Variants in CLVS1 observed in about 807,000 individuals in gnomAD.
The protein encoded by CLVS1 is clavesin-1.
Under a neutral mutation model 33.1 loss-of-function variants are expected in CLVS1, and 10 were observed. The ratio of observed to expected loss-of-function variants is 0.30; its 90% CI spans 0.19 to 0.51. The LOEUF is 0.51. CLVS1 is among the 20% of genes least tolerant of loss of function. The probability of loss-of-function intolerance (pLI) is 0.97; values close to 1 mark genes in which losing one functional copy is unlikely to be tolerated. For synonymous variants in CLVS1, 163 were observed against 166.1 expected (o/e 0.98, Z 0.14); for missense variants, 343 against 433.4 (o/e 0.79, Z 1.85).
chr8:61,462,368 T>A (rs1817397662), intron 5 of CLVS1, among the ~76,000 whole-genome samples: 2 of 152,140 alleles, frequency 1.3e-5, no homozygotes, highest in Non-Finnish European at 2.9e-5. Context: ...AATGTTTTTG[T>A]TTGTTTGTTT....
At chr8:61,301,891 G>A (rs1810451203) in intron 2 of CLVS1, among the ~76,000 whole-genome samples, 1 of 152,136 alleles carries the variant, frequency 6.6e-6, no homozygotes, top group South Asian at 2.1e-4. Flanking sequence ...AATATCCAAT[G>A]AATGTTGAAT....
intron 2 of CLVS1, among the ~76,000 whole-genome samples, chr8:61,303,520 G>A (rs1810509274): frequency 1.3e-5 from 2 of 152,246 alleles, no homozygotes; most frequent in South Asian, 2.1e-4. Context: ...ACTTTTCAAA[G>A]TAATCTCTTT....
intron 2 of CLVS1, among the ~76,000 whole-genome samples, chr8:61,246,003 G>A (rs868352817): frequency 6.9e-4 from 104 of 151,190 alleles, no homozygotes; most frequent in African/African-American, 2.3e-3. Flanking sequence ...AACTCCTGAC[G>A]TCATATGATC....
intron 5 of CLVS1, among the ~76,000 whole-genome samples, chr8:61,490,538 C>T (rs1371360864): frequency 6.7e-6 from 1 of 150,202 alleles, no homozygotes; most frequent in Non-Finnish European, 1.5e-5. Flanking sequence ...CGTGGTAGCG[C>T]ATGCCTGTAG....
rs1425949894 is a variant in CLVS1 at position 61,500,072 on chromosome 8, G to C, written c.*530G>C. 6.5e-6 allele frequency: 1 copy of C among 152,804 alleles called. No homozygotes were observed. The highest frequency in any genetic ancestry group is 1.5e-5 in the Non-Finnish European group (1 of 68,244). The allele number at this position is 152,804 out of a possible 1,614,324, so 9.5% of individuals were successfully genotyped here. ...TTGACCTCATCACCAGCATCGAATTGTTCAGCCTAAGAGCATGTTCTCATA... is the reference window on the plus strand; with the variant it reads ...TTGACCTCATCACCAGCATCGAATTCTTCAGCCTAAGAGCATGTTCTCATA... On this transcript the variant is annotated 3_prime_UTR_variant, in exon 6 of 6. Coordinates refer to ENST00000325897, the MANE Select transcript of CLVS1 (RefSeq NM_173519.3).
In CLVS1 at chr8:61,062,256, A is replaced by G. The variant is rs775522130; in HGVS notation, c.-243+5026A>G. Among the ~76,000 whole-genome samples the G allele has an allele frequency of 3.3e-4, 50 of 152,230 alleles. 1 individual carries two copies. Among genetic ancestry groups the G allele is most frequent in the Admixed American group, 1.3e-4 (2 of 15,288 alleles). ...TTCACTGCAGTGAGTTTTGCCTTCT[A>G]AGAAATAATGAGTGTGTGTCTACTG... On this transcript the variant is annotated intron_variant, in intron 1 of 2. Transcript: ENST00000522621.
upstream of CLVS1, among the ~76,000 whole-genome samples, chr8:61,287,513 T>C (rs890582718): frequency 3.3e-5 from 5 of 152,326 alleles, no homozygotes; most frequent in African/African-American, 1.2e-4. Flanking sequence ...ATTCCTCTTG[T>C]GCTTAGAAAA....
intron 1 of CLVS1, among the ~76,000 whole-genome samples, chr8:61,297,374 G>A (rs1287235737): frequency 2.6e-5 from 4 of 152,086 alleles, no homozygotes; most frequent in East Asian, 1.9e-4. Context: ...AAACAAAGAC[G>A]GTGATCATGG....
intron 2 of CLVS1, among the ~76,000 whole-genome samples, chr8:61,147,014 T>TG (rs1224959784): frequency 6.6e-6 from 1 of 152,210 alleles, no homozygotes; most frequent in Admixed American, 6.5e-5. Flanking sequence ...GTGACTCTCC[T>TG]GGGGGCCAAA....
intron 3 of CLVS1, among the ~76,000 whole-genome samples, chr8:61,447,232 A>G (rs1336293190): frequency 6.6e-6 from 1 of 151,986 alleles, no homozygotes; most frequent in African/African-American, 2.4e-5. Flanking sequence ...TTCCAGTTCT[A>G]CTAGCTTTTG....
intron 3 of CLVS1, among the ~76,000 whole-genome samples, chr8:61,382,153 T>C (rs1488838430): frequency 1.3e-5 from 2 of 152,178 alleles, no homozygotes; most frequent in African/African-American, 4.8e-5. Context: ...CGATGAAAAG[T>C]CTGTCACATC....
chr8:61,386,785 G>T (rs1024171355), intron 3 of CLVS1, among the ~76,000 whole-genome samples: 1 of 152,162 alleles, frequency 6.6e-6, no homozygotes, highest in Non-Finnish European at 1.5e-5. Context: ...GATGATGATA[G>T]CAGTGATGGT....
intron 1 of CLVS1, among the ~76,000 whole-genome samples, chr8:61,074,491 A>G (rs1430128855): frequency 5.5e-5 from 8 of 146,200 alleles, no homozygotes; most frequent in South Asian, 2.1e-4. Flanking sequence ...GTATATGTGT[A>G]TATATATATG....
intron 3 of CLVS1, among the ~76,000 whole-genome samples, chr8:61,431,131 T>A (rs1041295939): frequency 2.0e-5 from 3 of 152,220 alleles, no homozygotes; most frequent in African/African-American, 7.2e-5. Flanking sequence ...CTGAAATACA[T>A]TCTTTTCTCA....
intron 5 of CLVS1, among the ~76,000 whole-genome samples, chr8:61,466,251 A>T (rs1817544555): frequency 6.6e-6 from 1 of 152,256 alleles, no homozygotes; most frequent in Non-Finnish European, 1.5e-5. Context: ...CACAGGAGAC[A>T]TCTTGAAGAC....
intron 2 of CLVS1, among the ~76,000 whole-genome samples, chr8:61,248,057 C>T (rs528570877): frequency 2.0e-5 from 3 of 152,106 alleles, no homozygotes; most frequent in Admixed American, 1.3e-4. Flanking sequence ...TTCTTCATTG[C>T]TTGTTTTTGT....
intron 2 of CLVS1, among the ~76,000 whole-genome samples, chr8:61,353,970 A>G (rs1407718829): frequency 6.6e-6 from 1 of 152,034 alleles, no homozygotes; most frequent in Non-Finnish European, 1.5e-5. Context: ...CTTTATCCTC[A>G]TAAAGTCAAT....
At chr8:60,971,846 C>T in the CLVS1 span, among the ~76,000 whole-genome samples, 1 of 152,054 alleles carries the variant, frequency 6.6e-6, no homozygotes, top group Non-Finnish European at 1.5e-5. Flanking sequence ...TCACCCCCAC[C>T]CCCACCTTCC....
intron 3 of CLVS1, among the ~76,000 whole-genome samples, chr8:61,409,820 AC>A (rs1815147283): frequency 6.6e-6 from 1 of 152,130 alleles, no homozygotes; most frequent in Admixed American, 6.6e-5. Flanking sequence ...ATTTTTGACA[AC>A]CTGATAGATG....
Sources: gnomAD v4.1 joint callset for allele counts (sites outside exome capture counted in the v4.1 genomes callset) on GRCh38, gnomAD v4.1.1 for gene constraint, MANE v1.5 for transcripts, NCBI Gene and HGNC (gene_info 2026-07-23, HGNC 2026-07-21) for gene names.